The following SLC2A12 variants were observed in gnomAD, a reference collection of about 807,000 sequenced individuals.
The protein encoded by SLC2A12 is solute carrier family 2 member 12, also known as solute carrier family 2, facilitated glucose transporter member 12.
In SLC2A12, 23 loss-of-function variants were observed where a neutral mutation model predicts 41.8. The observed-to-expected ratio is 0.55, with a 90% CI of 0.40 to 0.78. SLC2A12 has a LOEUF of 0.78. SLC2A12 is among the 30% of genes least tolerant of loss of function. The pLI, the probability that SLC2A12 is intolerant of heterozygous loss-of-function variation, is 0.00. For synonymous variants in SLC2A12, 295 were observed against 285.9 expected (o/e 1.03, Z -0.32); for missense variants, 654 against 745.6 (o/e 0.88, Z 1.43).
At chr6:134,048,135 G>C (rs1773599338) in intron 1 of SLC2A12, among the ~76,000 whole-genome samples, 1 of 152,206 alleles carries the variant, frequency 6.6e-6, no homozygotes, top group African/African-American at 2.4e-5. Flanking sequence ...GCTCACAGTG[G>C]TGAAAAGCCT....
intron 1 of SLC2A12, among the ~76,000 whole-genome samples, chr6:134,042,264 A>G (rs2114504120): frequency 6.6e-6 from 1 of 152,334 alleles, no homozygotes. Flanking sequence ...TAATTAGGGA[A>G]ATGAAATGGG....
chr6:134,026,575 C>A lies in SLC2A12; in HGVS notation c.1444+1806G>T, dbSNP rs1777114932. Among the ~76,000 whole-genome samples, 3 of 152,208 alleles carry A rather than the reference C, an allele frequency of 2.0e-5. 1 individual carries two copies. The South Asian group carries it at 6.2e-4, about 32-fold the overall frequency. On this transcript the variant is annotated intron_variant, in intron 2 of 4. Coordinates refer to ENST00000275230, the MANE Select transcript of SLC2A12 (RefSeq NM_145176.3). ...GTATACACTCAAGATAATTGAACCC[C>A]AAAGTAATGGTAGAAATCTGTTTCC... is the stretch of plus-strand genomic sequence containing the variant.
chr6:134,031,635 AG>A (rs1777209165), intron 1 of SLC2A12, among the ~76,000 whole-genome samples: 1 of 152,200 alleles, frequency 6.6e-6, no homozygotes, highest in Non-Finnish European at 1.5e-5. Flanking sequence ...AACATAGGGA[AG>A]ATTAGGAATA....
At chr6:133,994,123 T>C (rs78885731) in intron 4 of SLC2A12, among the ~76,000 whole-genome samples, 3,136 of 152,270 alleles carry the variant, frequency 0.021, 76 homozygotes, top group East Asian at 0.11. Context: ...GTTCAGGCTC[T>C]GGATATATTT....
intron 1 of SLC2A12, among the ~76,000 whole-genome samples, chr6:134,035,683 G>A (rs1008499132): frequency 6.6e-6 from 1 of 152,170 alleles, no homozygotes; most frequent in Non-Finnish European, 1.5e-5. Context: ...AGTGTTAGCT[G>A]TGACCCTGAT....
At chr6:134,039,540 C>T (rs541850663) in intron 1 of SLC2A12, among the ~76,000 whole-genome samples, 1 of 152,312 alleles carries the variant, frequency 6.6e-6, no homozygotes, top group South Asian at 2.1e-4. Context: ...AGATTTGCAG[C>T]ATTGCAAATA....
chr6:134,042,734 G>A (rs1391869141), intron 1 of SLC2A12, among the ~76,000 whole-genome samples: 1 of 151,998 alleles, frequency 6.6e-6, no homozygotes, highest in Non-Finnish European at 1.5e-5. Flanking sequence ...GGAGGCAGAA[G>A]TGGGAGGACT....
intron 1 of SLC2A12, among the ~76,000 whole-genome samples, chr6:134,043,353 T>C (rs1289984452): frequency 6.6e-6 from 1 of 152,114 alleles, no homozygotes; most frequent in Non-Finnish European, 1.5e-5. Flanking sequence ...AGGAGGCATG[T>C]GGATTTAACC....
chr6:134,006,193 C>CAAAAAAAAAAAAAAAA (rs571711008), intron 3 of SLC2A12, among the ~76,000 whole-genome samples: 1 of 121,606 alleles, frequency 8.2e-6, no homozygotes, highest in Non-Finnish European at 1.7e-5. Flanking sequence ...AAAAAAAAAA[C>CAAAAAAAAAAAAAAAA]AAAAAAAAAA....
intron 1 of SLC2A12, among the ~76,000 whole-genome samples, chr6:134,032,964 A>G (rs59587736): frequency 0.027 from 4,122 of 151,058 alleles, 199 homozygotes; most frequent in African/African-American, 0.095. Context: ...ACAAAACAAA[A>G]CAAAAAAGCA....
chr6:134,004,182 C>A (rs1485747514), intron 3 of SLC2A12, among the ~76,000 whole-genome samples: 1 of 152,032 alleles, frequency 6.6e-6, no homozygotes, highest in Non-Finnish European at 1.5e-5. Context: ...TCCATTTTTT[C>A]TTTTATATTT....
At chr6:133,991,949 A>G (rs1222733607) in intron 4 of SLC2A12, among the ~76,000 whole-genome samples, 1 of 152,160 alleles carries the variant, frequency 6.6e-6, no homozygotes, top group Non-Finnish European at 1.5e-5. Context: ...CAAATGAGAA[A>G]TAAACGGGGA....
chr6:134,007,054 A>G, intron 2 of SLC2A12, 120 bp from the exon 3 acceptor site: 2 of 1,435,238 alleles, frequency 1.4e-6, no homozygotes, highest in Non-Finnish European at 1.9e-6. Context: ...GTTGGGAAGC[A>G]CCATTTCCTA....
At chr6:133,994,820 T>G (rs1776667100) in intron 4 of SLC2A12, among the ~76,000 whole-genome samples, 1 of 152,050 alleles carries the variant, frequency 6.6e-6, no homozygotes. Flanking sequence ...GCACACCAAC[T>G]TTAAGAGAGG....
intron 1 of SLC2A12, among the ~76,000 whole-genome samples, chr6:134,051,612 C>G (rs1356813116): frequency 6.6e-6 from 1 of 152,142 alleles, no homozygotes; most frequent in Non-Finnish European, 1.5e-5. Flanking sequence ...CAGCAAAAAG[C>G]GTACAATGTA....
rs544783792 is a variant in SLC2A12, at chr6:134,036,854, G to T, written c.104-7133C>A. On this transcript the variant is annotated intron_variant, in intron 1 of 4. Transcript: ENST00000275230. ...CTAGCTGATATAGCACCATTTCAGG[G>T]ACCATAAAGTGTTTTATTGTCACAA... 2.6e-5 allele frequency among the ~76,000 whole-genome samples: 4 copies of T among 152,272 alleles called. No individual in the cohort carries two copies. The South Asian group carries it at 8.3e-4, about 32-fold the overall frequency.
chr6:133,987,648 G>GTATATATA lies in SLC2A12; in HGVS notation c.*3499_*3506dup, dbSNP rs59102121. 0.016 allele frequency: 1,425 copies of GTATATATA among 88,324 alleles called. 33 individuals carry two copies. Among genetic ancestry groups the GTATATATA allele is most frequent in the African/African-American group, 0.05 (1,367 of 27,508 alleles). 5.5% of individuals were successfully genotyped at this position (88,324 alleles called of 1,614,324 possible). A position where few individuals can be genotyped will look rare whatever the true frequency, so the allele number is the denominator to read the frequency against. The stretch of plus-strand genomic sequence containing the variant: ...TTTGTGTGTGTGTGTGTGTGTGTGT[G>GTATATATA]TATATATATATATATATATGCACCA... On this transcript the variant is annotated 3_prime_UTR_variant, in exon 5 of 5. Coordinates refer to ENST00000275230, the MANE Select transcript of SLC2A12 (RefSeq NM_145176.3).
intron 2 of SLC2A12, among the ~76,000 whole-genome samples, chr6:134,015,126 C>T (rs1776938421): frequency 6.6e-6 from 1 of 152,142 alleles, no homozygotes; most frequent in Admixed American, 6.5e-5. Flanking sequence ...TTGGTGATAA[C>T]TGAAATTTAA....
chr6:134,006,180 AAAAAAAAAAAAAC>A (rs1207323379), intron 3 of SLC2A12, among the ~76,000 whole-genome samples: 2 of 142,452 alleles, frequency 1.4e-5, no homozygotes, highest in East Asian at 4.0e-4. Flanking sequence ...CTATCGGAAA[AAAAAAAAAAAAAC>A]AAAAAAAAAA....
Sources: gnomAD v4.1 joint callset for allele counts (sites outside exome capture counted in the v4.1 genomes callset) on GRCh38, gnomAD v4.1.1 for gene constraint, MANE v1.5 for transcripts, NCBI Gene and HGNC (gene_info 2026-07-23, HGNC 2026-07-21) for gene names.